Variants in SCML2 observed in about 807,000 individuals in gnomAD.
SCML2 encodes sex comb on midleg-like protein 2.
In SCML2, 6 loss-of-function variants were observed where a neutral mutation model predicts 48.4. That is an observed-to-expected ratio of 0.12 (90% CI 0.07 to 0.24). The LOEUF (loss-of-function observed/expected upper bound fraction) is 0.24, where lower values mean the gene tolerates loss of function less well. Among genes scored for constraint, SCML2 ranks in the 10% least tolerant of loss-of-function variants. The pLI is 1.00. For missense variants in SCML2, 377 were observed against 528.2 expected (o/e 0.71, Z 2.81); for synonymous variants, 181 against 189.5 (o/e 0.95, Z 0.37).
rs1406725925 is a variant in SCML2, at chrX:18,334,222, T to C, written c.-24-127A>G. 4 of 423,270 alleles carry C rather than the reference T, an allele frequency of 9.5e-6. No individual in the cohort carries two copies. The East Asian group carries it at 1.7e-4, about 18-fold the overall frequency. 34.9% of individuals were successfully genotyped at this position (423,270 alleles called of 1,213,427 possible). A position where few individuals can be genotyped will look rare whatever the true frequency, so the allele number is the denominator to read the frequency against. On this transcript the variant is annotated intron_variant, in intron 1 of 14. Transcript: ENST00000251900. ...AAACAAAAATGATAAGATTTGTATA[T>C]GCCTAGTTGCCTGGGAATGGAGGAA...
At chrX:18,338,827 T>C (rs1676260625) in intron 1 of SCML2, among the ~76,000 whole-genome samples, 1 of 106,507 alleles carries the variant, frequency 9.4e-6, no homozygotes, top group African/African-American at 3.4e-5. Context: ...GGTAGGAGAA[T>C]CACCTGAGCC....
At chrX:18,313,283 G>A (rs1455909918) in intron 6 of SCML2, among the ~76,000 whole-genome samples, 1 of 110,738 alleles carries the variant, frequency 9.0e-6, no homozygotes, top group African/African-American at 3.3e-5. Flanking sequence ...GGACCCGGGG[G>A]AGGTAATTGA....
At chrX:18,249,043 G>C (rs886892438) in intron 11 of SCML2, among the ~76,000 whole-genome samples, 1 of 111,543 alleles carries the variant, frequency 9.0e-6, no homozygotes, top group African/African-American at 3.3e-5. Flanking sequence ...GGAAAAGCCA[G>C]GTAATTTACA....
chrX:18,272,022 C>A (rs1342392151), intron 7 of SCML2, among the ~76,000 whole-genome samples: 1 of 110,607 alleles, frequency 9.0e-6, no homozygotes, highest in Non-Finnish European at 1.9e-5. Flanking sequence ...TCATTTGCTC[C>A]TGCTGCCATC....
intron 7 of SCML2, among the ~76,000 whole-genome samples, chrX:18,279,787 C>T (rs1353668048): frequency 8.9e-6 from 1 of 111,843 alleles, no homozygotes; most frequent in Non-Finnish European, 1.9e-5. Flanking sequence ...AAGACTACTT[C>T]TTTGAATCAA....
intron 6 of SCML2, among the ~76,000 whole-genome samples, chrX:18,307,480 G>C (rs186238859): frequency 5.4e-5 from 6 of 111,706 alleles, no homozygotes; most frequent in African/African-American, 1.9e-4. Flanking sequence ...CACGGCAGTT[G>C]ACAAGTTTGT....
At chrX:18,293,590 T>C (rs1459395525) in intron 7 of SCML2, among the ~76,000 whole-genome samples, 1 of 112,425 alleles carries the variant, frequency 8.9e-6, no homozygotes, top group Non-Finnish European at 1.9e-5. Flanking sequence ...AACCTTGAAT[T>C]ACTTGTGCCA....
intron 8 of SCML2, among the ~76,000 whole-genome samples, chrX:18,263,501 T>C (rs1375972932): frequency 8.9e-6 from 1 of 112,006 alleles, no homozygotes. Flanking sequence ...TGATTTATCT[T>C]AGTATGCTTT....
At position 18,242,495 on chromosome X, in the gene SCML2, T is replaced by G; in HGVS notation, c.1918A>C (p.Met640Leu). The G allele has an allele frequency of 1.7e-6, 2 of 1,207,973 alleles. No homozygotes were observed. Among genetic ancestry groups the G allele is most frequent in the Non-Finnish European group, 2.2e-6 (2 of 894,452 alleles). ...TWSVDEVIQFMKHTDPQISGP... is the reference protein window; with the variant it reads ...TWSVDEVIQFLKHTDPQISGP... ...GATATCTGAGGATCTGTATGTTTCA[T>G]AAACTGTATCACTTCATCCACAGAC... The change falls in exon 14 of 15, where the codon ATG becomes CTG. Residue 640 changes from methionine to leucine, a missense_variant. By Grantham distance (15) the Met-to-Leu change is conservative. Transcript: ENST00000251900.
chrX:18,330,270 G>A (rs1707306304), intron 3 of SCML2, among the ~76,000 whole-genome samples: 1 of 111,340 alleles, frequency 9.0e-6, no homozygotes, highest in African/African-American at 3.3e-5. Flanking sequence ...CGTTAGAAGG[G>A]TTTTTGCTAA....
chrX:18,332,120 T>G (rs963083732), intron 2 of SCML2, among the ~76,000 whole-genome samples: 2 of 112,371 alleles, frequency 1.8e-5, no homozygotes, highest in Non-Finnish European at 3.8e-5. Flanking sequence ...AATTCTATCA[T>G]TCTTTATTAG....
intron 11 of SCML2, among the ~76,000 whole-genome samples, chrX:18,252,294 C>T (rs935171970): frequency 8.9e-6 from 1 of 112,402 alleles, no homozygotes; most frequent in Non-Finnish European, 1.9e-5. Flanking sequence ...AACAAACAAA[C>T]AACAAAACAC....
intron 7 of SCML2, among the ~76,000 whole-genome samples, chrX:18,298,780 A>C (rs1410545038): frequency 1.8e-5 from 2 of 109,603 alleles, no homozygotes; most frequent in East Asian, 5.8e-4. Context: ...CCAAGATTGC[A>C]CTGCACTCCA....
chrX:18,320,855 T>C (rs974667330), intron 5 of SCML2, among the ~76,000 whole-genome samples: 1 of 111,078 alleles, frequency 9.0e-6, no homozygotes, highest in African/African-American at 3.3e-5. Flanking sequence ...TCAGCACATA[T>C]ACACACACAA....
At chrX:18,308,554 G>A (rs1216436185) in intron 6 of SCML2, among the ~76,000 whole-genome samples, 1 of 111,374 alleles carries the variant, frequency 9.0e-6, no homozygotes, top group Non-Finnish European at 1.9e-5. Flanking sequence ...CACAGAAATG[G>A]CCAAGAGATG....
chrX:18,251,606 G>A (rs924820996), intron 11 of SCML2, among the ~76,000 whole-genome samples: 1 of 112,044 alleles, frequency 8.9e-6, no homozygotes, highest in Non-Finnish European at 1.9e-5. Flanking sequence ...GCACCTGCTA[G>A]AATGGGTATA....
chrX:18,354,975 G>A (rs1716196165), upstream of SCML2, among the ~76,000 whole-genome samples: 1 of 111,628 alleles, frequency 9.0e-6, no homozygotes, highest in Non-Finnish European at 1.9e-5. Flanking sequence ...TGGGACCCCG[G>A]GTTCCACGTC....
chrX:18,252,901 C>G (rs1926714308), intron 11 of SCML2, among the ~76,000 whole-genome samples: 1 of 112,347 alleles, frequency 8.9e-6, no homozygotes, highest in Non-Finnish European at 1.9e-5. Context: ...ATACAGGAAG[C>G]TGGGGAGTTA....
intron 3 of SCML2, among the ~76,000 whole-genome samples, chrX:18,325,221 T>C (rs1929442844): frequency 8.9e-6 from 1 of 111,973 alleles, no homozygotes; most frequent in Non-Finnish European, 1.9e-5. Flanking sequence ...GATACTCTCA[T>C]TGTAATGTGG....
Sources: allele counts gnomAD v4.1 joint callset (sites outside exome capture counted in the v4.1 genomes callset), GRCh38; gene constraint gnomAD v4.1.1; transcripts MANE v1.5; gene names NCBI Gene and HGNC (gene_info 2026-07-23, HGNC 2026-07-21).